Variants in CDK6 observed in about 807,000 individuals in gnomAD.
The protein encoded by CDK6 is cyclin dependent kinase 6.
A neutral mutation model predicts 37.1 loss-of-function variants in CDK6; 6 were observed. The observed-to-expected ratio is 0.16, with a 90% CI of 0.09 to 0.32. The LOEUF (loss-of-function observed/expected upper bound fraction) is 0.32, where lower values mean the gene tolerates loss of function less well. Among genes scored for constraint, CDK6 ranks in the 10% least tolerant of loss-of-function variants. CDK6 has a pLI of 1.00. For missense variants in CDK6, 224 were observed against 418.9 expected (o/e 0.53, Z 4.06); for synonymous variants, 160 against 161.3 (o/e 0.99, Z 0.06).
intron 2 of CDK6, among the ~76,000 whole-genome samples, chr7:92,814,093 A>G (rs1466997489): frequency 6.6e-6 from 1 of 152,196 alleles, no homozygotes; most frequent in Non-Finnish European, 1.5e-5. Flanking sequence ...TGTTTCCCTT[A>G]AGAAAAATCA....
chr7:92,780,284 A>T (rs553117590), intron 2 of CDK6, among the ~76,000 whole-genome samples: 1 of 152,300 alleles, frequency 6.6e-6, no homozygotes, highest in African/African-American at 2.4e-5. Context: ...AAACTTTAAT[A>T]TAACAAATGA....
intron 3 of CDK6, among the ~76,000 whole-genome samples, chr7:92,764,376 A>G (rs1013109721): frequency 6.6e-6 from 1 of 152,104 alleles, no homozygotes; most frequent in African/African-American, 2.4e-5. Flanking sequence ...GGCTCAAGTG[A>G]TGCGTCCTCC....
intron 2 of CDK6, among the ~76,000 whole-genome samples, chr7:92,806,337 G>A (rs1164183148): frequency 3.3e-5 from 5 of 152,100 alleles, no homozygotes; most frequent in African/African-American, 7.2e-5. Context: ...TATCAAAGAC[G>A]CCCGTTAAAA....
At chr7:92,714,005 A>T (rs1022796734) in intron 4 of CDK6, among the ~76,000 whole-genome samples, 2 of 152,186 alleles carry the variant, frequency 1.3e-5, no homozygotes, top group African/African-American at 4.8e-5. Flanking sequence ...TATACTCTAT[A>T]AACACTCACT....
At chr7:92,776,611 G>A (rs1365649764) in intron 2 of CDK6, among the ~76,000 whole-genome samples, 1 of 152,176 alleles carries the variant, frequency 6.6e-6, no homozygotes, top group Non-Finnish European at 1.5e-5. Context: ...TCTAACTGGT[G>A]TGAGATGGCA....
intron 4 of CDK6, among the ~76,000 whole-genome samples, chr7:92,698,514 G>A (rs1797771634): frequency 6.6e-6 from 1 of 152,122 alleles, no homozygotes; most frequent in African/African-American, 2.4e-5. Flanking sequence ...GTCCCTGTTT[G>A]GGGTTCTGCC....
At chr7:92,623,698 G>A (rs1214895937) in intron 5 of CDK6, among the ~76,000 whole-genome samples, 1 of 152,096 alleles carries the variant, frequency 6.6e-6, no homozygotes, top group Non-Finnish European at 1.5e-5. Flanking sequence ...TGTCTACATT[G>A]AGCATTTAAC....
intron 3 of CDK6, among the ~76,000 whole-genome samples, chr7:92,735,969 A>T (rs1390845910): frequency 1.3e-5 from 2 of 152,170 alleles, no homozygotes; most frequent in South Asian, 4.1e-4. Flanking sequence ...TCACTTAGAC[A>T]TGAGATGTAA....
At chr7:92,674,136 T>C (rs1438726795) in intron 4 of CDK6, among the ~76,000 whole-genome samples, 1 of 151,634 alleles carries the variant, frequency 6.6e-6, no homozygotes, top group East Asian at 1.9e-4. Flanking sequence ...CTTGGCTATG[T>C]TTGAACACCA....
At chr7:92,683,125 A>G (rs932248260) in intron 4 of CDK6, among the ~76,000 whole-genome samples, 1 of 152,188 alleles carries the variant, frequency 6.6e-6, no homozygotes. Flanking sequence ...ACCTTCACAG[A>G]TAAGTAGAAA....
At chr7:92,668,780 C>A (rs928620371) in intron 5 of CDK6, among the ~76,000 whole-genome samples, 2 of 152,128 alleles carry the variant, frequency 1.3e-5, no homozygotes, top group South Asian at 2.1e-4. Flanking sequence ...AGAAGCATGA[C>A]ACATGGATAT....
At chr7:92,692,041 G>A (rs1231710041) in intron 4 of CDK6, among the ~76,000 whole-genome samples, 1 of 152,164 alleles carries the variant, frequency 6.6e-6, no homozygotes, top group Non-Finnish European at 1.5e-5. Flanking sequence ...GCCGAGGTGG[G>A]CGGATCATCT....
chr7:92,783,541 T>C (rs1800049638), intron 2 of CDK6, among the ~76,000 whole-genome samples: 1 of 152,226 alleles, frequency 6.6e-6, no homozygotes, highest in South Asian at 2.1e-4. Context: ...TTTCATTGTT[T>C]ATCTTCTTTC....
intron 4 of CDK6, among the ~76,000 whole-genome samples, chr7:92,687,574 A>T (rs1266987411): frequency 6.6e-6 from 1 of 152,230 alleles, no homozygotes; most frequent in Non-Finnish European, 1.5e-5. Flanking sequence ...TAAAATTTAT[A>T]CATAATAGCT....
intron 2 of CDK6, among the ~76,000 whole-genome samples, chr7:92,800,336 A>G (rs922708967): frequency 2.0e-5 from 3 of 152,126 alleles, no homozygotes; most frequent in African/African-American, 7.2e-5. Context: ...TTCGTCTGCC[A>G]TACGTGATGT....
Position 92,607,853 on chromosome 7 carries a change from G to A in CDK6, c.*7287C>T, listed in dbSNP as rs1009563610. The A allele has an allele frequency of 8.6e-6, 2 of 233,220 alleles. No homozygotes were observed. The highest frequency in any genetic ancestry group is 1.7e-5 in the Non-Finnish European group (2 of 117,910). The allele number at this position is 233,220 out of a possible 1,614,324, so 14.4% of individuals were successfully genotyped here. The stretch of plus-strand genomic sequence containing the variant: ...AAAAGTGAGGAACTATGATATACAT[G>A]TGTATATTTTTGCAAACACAGGATC... On this transcript the variant is annotated 3_prime_UTR_variant, in exon 8 of 8. Transcript: ENST00000424848.
intron 5 of CDK6, among the ~76,000 whole-genome samples, chr7:92,638,987 T>C (rs1392780027): frequency 6.6e-6 from 1 of 152,158 alleles, no homozygotes; most frequent in Non-Finnish European, 1.5e-5. Context: ...ATTTTCTTGT[T>C]GGGGGGTGAT....
chr7:92,735,446 T>C (rs1253113499), intron 3 of CDK6, among the ~76,000 whole-genome samples: 1 of 152,192 alleles, frequency 6.6e-6, no homozygotes. Flanking sequence ...CCAGTGTCTA[T>C]GAAGTCCCAA....
rs749071740 is a variant in CDK6, at chr7:92,671,418, T to C, written c.647+8A>G. On this transcript the variant is annotated splice_region_variant and intron_variant, in intron 5 of 7. Transcript: ENST00000424848. ...GGAAAGCAGAGTGAAACAAAATGTA[T>C]TTCTTACTTTCTACGAAACATTTCT... The C allele has an allele frequency of 8.6e-6, 13 of 1,508,384 alleles. No individual in the cohort carries two copies. The highest frequency in any genetic ancestry group is 1.2e-5 in the Non-Finnish European group (13 of 1,116,914). The allele number at this position is 1,508,384 out of a possible 1,614,324, so 93.4% of individuals were successfully genotyped here. A position where few individuals can be genotyped will look rare whatever the true frequency, so the allele number is the denominator to read the frequency against.
Sources: allele counts gnomAD v4.1 joint callset (sites outside exome capture counted in the v4.1 genomes callset), GRCh38; gene constraint gnomAD v4.1.1; transcripts MANE v1.5; gene names NCBI Gene and HGNC (gene_info 2026-07-23, HGNC 2026-07-21).